GALNT6: variants seen among roughly 807,000 people sequenced by gnomAD.
The protein encoded by GALNT6 is polypeptide N-acetylgalactosaminyltransferase 6.
A neutral mutation model predicts 65.9 loss-of-function variants in GALNT6; 51 were observed. The ratio of observed to expected loss-of-function variants is 0.77; its 90% confidence interval spans 0.62 to 0.98. The LOEUF is 0.98. Among genes scored for constraint, GALNT6 ranks in the 50% least tolerant of loss-of-function variants. GALNT6 has a pLI of 0.00. For missense variants in GALNT6, 708 were observed against 803.3 expected (o/e 0.88, Z 1.43); for synonymous variants, 323 against 315.1 (o/e 1.02, Z -0.26).
At chr12:51,375,947 G>A (rs753032160) in intron 4 of GALNT6, among the ~76,000 whole-genome samples, 8 of 151,860 alleles carry the variant, frequency 5.3e-5, no homozygotes, top group Non-Finnish European at 8.8e-5. Flanking sequence ...TGCAGCCTAC[G>A]CCTCCCGGGT....
chr12:51,384,651 C>G (rs139354356), intron 2 of GALNT6, among the ~76,000 whole-genome samples: 1,863 of 143,822 alleles, frequency 0.013, 36 homozygotes, highest in African/African-American at 0.045. Context: ...GAAATAGCAC[C>G]ACCGTACTCC....
At chr12:51,371,017 G>A (rs1016301156) in intron 4 of GALNT6, among the ~76,000 whole-genome samples, 1 of 151,300 alleles carries the variant, frequency 6.6e-6, no homozygotes, top group Admixed American at 6.6e-5. Flanking sequence ...GGTGGCTTAC[G>A]GAGGTCTCAC....
chr12:51,365,360 TG>T, intron 5 of GALNT6, 69 bp downstream of exon 5: 1 of 1,435,840 alleles, frequency 7.0e-7, no homozygotes, highest in Non-Finnish European at 9.5e-7. Flanking sequence ...TTGGGGAGGC[TG>T]TGGCCCTGGC....
chr12:51,380,865 A>G (rs1367834922), intron 2 of GALNT6, among the ~76,000 whole-genome samples: 2 of 152,186 alleles, frequency 1.3e-5, no homozygotes, highest in African/African-American at 4.8e-5. Flanking sequence ...AGGATTAGAG[A>G]TGGTTAATGG....
chr12:51,369,965 G>A (rs970670185), intron 4 of GALNT6, among the ~76,000 whole-genome samples: 7 of 152,106 alleles, frequency 4.6e-5, no homozygotes, highest in African/African-American at 1.4e-4. Flanking sequence ...TCACTACAGC[G>A]GCTTCAAATT....
rs1282500971 is a variant in GALNT6 at position 51,365,555 on chromosome 12, T to C, written c.689A>G (p.Gln230Arg). Residue 230 changes from glutamine (Q) to arginine (R), a missense_variant, in exon 5 of 12, where the codon CAG (glutamine) becomes CGG (arginine). Coordinates refer to ENST00000356317, the MANE Select transcript of GALNT6 (RefSeq NM_007210.4). Reference protein sequence around the residue: ...TEEHLKEKLEQYVKQLQVVRV... With the variant: ...TEEHLKEKLERYVKQLQVVRV... ...CACCACCTGCAGCTGCTTCACGTAC[T>C]GCTCCAGCTTCTCCTTTAGGTGCTC... 6.2e-7 allele frequency: 1 copy of C among 1,613,664 alleles called. No individual in the cohort carries two copies. Among genetic ancestry groups the C allele is most frequent in the African/African-American group, 1.3e-5 (1 of 75,058 alleles).
chr12:51,353,102 C>G lies in GALNT6; in HGVS notation c.*1277G>C, dbSNP rs1355959767. 1 of 152,234 alleles carries G rather than the reference C, an allele frequency of 6.6e-6. No individual in the cohort carries two copies. Among genetic ancestry groups the G allele is most frequent in the Non-Finnish European group, 1.5e-5 (1 of 68,072 alleles). 9.4% of individuals were successfully genotyped at this position (152,234 alleles called of 1,614,324 possible). On this transcript the variant is annotated 3_prime_UTR_variant, in exon 12 of 12. Transcript: ENST00000356317. Reference sequence around the variant, plus strand: ...TGCAGCGGAAGGAGCCCTGGCTCAGCATTGAAGAACGAGCCTCAGTCTTGG... The same window carrying G: ...TGCAGCGGAAGGAGCCCTGGCTCAGGATTGAAGAACGAGCCTCAGTCTTGG...
chr12:51,357,062 T>A (rs1222350305), intron 10 of GALNT6, among the ~76,000 whole-genome samples: 6 of 151,928 alleles, frequency 3.9e-5, no homozygotes, highest in Admixed American at 3.9e-4. Flanking sequence ...GCTGGAAAAT[T>A]TTCCACCCTC....
chr12:51,367,267 A>G (rs1304336866), intron 4 of GALNT6, among the ~76,000 whole-genome samples: 1 of 151,806 alleles, frequency 6.6e-6, no homozygotes, highest in African/African-American at 2.4e-5. Flanking sequence ...CAAAAAAACC[A>G]AAAACAAACA....
chr12:51,366,373 C>T (rs1178785457), intron 4 of GALNT6, among the ~76,000 whole-genome samples: 1 of 152,194 alleles, frequency 6.6e-6, no homozygotes, highest in Non-Finnish European at 1.5e-5. Flanking sequence ...ACGGTAACGT[C>T]GATGGGTGGG....
intron 4 of GALNT6, among the ~76,000 whole-genome samples, chr12:51,367,038 T>C (rs926117416): frequency 1.3e-5 from 2 of 151,980 alleles, no homozygotes; most frequent in East Asian, 3.9e-4. Flanking sequence ...CGGAGGCAGG[T>C]GGATCACCTG....
intron 2 of GALNT6, among the ~76,000 whole-genome samples, chr12:51,388,933 G>A (rs1009367624): frequency 7.9e-5 from 12 of 152,218 alleles, no homozygotes; most frequent in Non-Finnish European, 1.8e-4. Context: ...CAGGGTACGA[G>A]AGAATAAGCT....
At chr12:51,370,248 A>G (rs1947248982) in intron 4 of GALNT6, among the ~76,000 whole-genome samples, 1 of 152,240 alleles carries the variant, frequency 6.6e-6, no homozygotes, top group Admixed American at 6.5e-5. Context: ...ATTCAGCCTT[A>G]AAAAGTAAAT....
chr12:51,358,365 A>C, intron 8 of GALNT6, 104 bp from the exon 9 acceptor site: 1 of 1,334,656 alleles, frequency 7.5e-7, no homozygotes, highest in South Asian at 1.4e-5. Flanking sequence ...CAGTGGTGCA[A>C]TCTCGGCTCA....
At chr12:51,360,922 C>T (rs1946906593) in intron 6 of GALNT6, 84 bp from the exon 7 acceptor site, 3 of 799,130 alleles carry the variant, frequency 3.8e-6, no homozygotes, top group Non-Finnish European at 6.4e-6. Flanking sequence ...GTGGACTCCC[C>T]TCCTAACCCA....
intron 6 of GALNT6, 74 bp downstream of exon 6, chr12:51,364,047 G>T: frequency 1.0e-6 from 1 of 971,208 alleles, no homozygotes; most frequent in Non-Finnish European, 1.7e-6. Flanking sequence ...AAATGTTGAT[G>T]TGAGATGGCA....
chr12:51,374,375 A>G (rs1007728052), intron 4 of GALNT6, among the ~76,000 whole-genome samples: 1 of 152,196 alleles, frequency 6.6e-6, no homozygotes, highest in Non-Finnish European at 1.5e-5. Flanking sequence ...TATGTTGCCC[A>G]GGCTGGTCTG....
Position 51,387,787 on chromosome 12 carries a change from G to C in GALNT6, c.-104+3063C>G, listed in dbSNP as rs1017976439. 1.3e-5 allele frequency among the ~76,000 whole-genome samples: 2 copies of C among 152,150 alleles called. No individual in the cohort carries two copies. The highest frequency in any genetic ancestry group is 4.8e-5 in the African/African-American group (2 of 41,422). Reference sequence around the variant, plus strand: ...GGGGAGAGTTGGGGGAAAGGACAGAGAAGGGACAGGGAAGTGATGAGAAGG... The same window carrying C: ...GGGGAGAGTTGGGGGAAAGGACAGACAAGGGACAGGGAAGTGATGAGAAGG... On this transcript the variant is annotated intron_variant, in intron 2 of 11. Coordinates refer to ENST00000356317, the MANE Select transcript of GALNT6 (RefSeq NM_007210.4). This position sits in a 1 kb window ranked among gnomAD's most constrained non-coding sequence, Gnocchi z 4.2.
In GALNT6 at chr12:51,387,131, T is replaced by A. The variant is rs747711844; in HGVS notation, c.-104+3719A>T. ...TTTTTTTTTTGAGATGGAGTCTCATTCTGTTGCCCATACTGGAGTGCAGTG... is the reference window on the plus strand; with the variant it reads ...TTTTTTTTTTGAGATGGAGTCTCATACTGTTGCCCATACTGGAGTGCAGTG... On this transcript the variant is annotated intron_variant, in intron 2 of 11. Coordinates refer to ENST00000356317, the MANE Select transcript of GALNT6 (RefSeq NM_007210.4). The surrounding 1 kb of genome is among the most constrained non-coding windows in gnomAD (Gnocchi z 4.2). Among the ~76,000 whole-genome samples, 1 of 152,146 alleles carries A rather than the reference T, an allele frequency of 6.6e-6. No homozygotes were observed. The highest frequency in any genetic ancestry group is 1.5e-5 in the Non-Finnish European group (1 of 68,028).
Sources: allele counts gnomAD v4.1 joint callset (sites outside exome capture counted in the v4.1 genomes callset), GRCh38; gene constraint gnomAD v4.1.1; non-coding constraint Gnocchi (gnomAD v3.1); transcripts MANE v1.5; gene names NCBI Gene and HGNC (gene_info 2026-07-23, HGNC 2026-07-21).